Variants in GCC2 observed in about 807,000 individuals in gnomAD.
GCC2 encodes GRIP and coiled-coil domain containing 2, also known as GRIP and coiled-coil domain-containing protein 2.
GCC2 carries 120 observed loss-of-function variants against 210.6 expected under a neutral mutation model. The ratio of observed to expected loss-of-function variants is 0.57; its 90% CI spans 0.49 to 0.66. The LOEUF is 0.66. Ranked by LOEUF, GCC2 falls within the 30% of genes least tolerant of loss-of-function variation. The pLI, the probability that GCC2 is intolerant of heterozygous loss-of-function variation, is 0.00. For missense variants in GCC2, 1,868 were observed against 1,871.9 expected (o/e 1.00, Z 0.04); for synonymous variants, 703 against 652.7 (o/e 1.08, Z -1.17).
chr2:108,457,621 CTGCT>C (rs1680340631), intron 4 of GCC2, among the ~76,000 whole-genome samples: 1 of 151,982 alleles, frequency 6.6e-6, no homozygotes, highest in South Asian at 2.1e-4. Context: ...AAATGTCTTC[CTGCT>C]TATTTGTGTT....
intron 6 of GCC2, among the ~76,000 whole-genome samples, chr2:108,472,549 TCTC>T (rs929324601): frequency 1.1e-4 from 17 of 152,014 alleles, no homozygotes; most frequent in Admixed American, 2.6e-4. Flanking sequence ...CATTTAATCT[TCTC>T]CTTATTACAC....
At chr2:108,505,132 G>A (rs569759975) in intron 22 of GCC2, among the ~76,000 whole-genome samples, 13 of 152,296 alleles carry the variant, frequency 8.5e-5, no homozygotes, top group South Asian at 4.1e-4. Flanking sequence ...CAAGGGCAGG[G>A]GCCTGCCAGA....
In GCC2 at chr2:108,472,070, A is replaced by G; in HGVS notation, c.2741A>G (p.Glu914Gly). 6.4e-7 allele frequency: 1 copy of G among 1,571,586 alleles called. No homozygotes were observed. The change falls in exon 6 of 23, where the codon GAA becomes GGA. Residue 914 changes from glutamate (E) to glycine (G), a missense_variant. Transcript: ENST00000309863. ...CATGAAAACCTAAAGCCACTACTAG[A>G]ACAAAAAGAATTACGAGATAGGAGA... Reference protein sequence around the residue: ...KEHENLKPLLEQKELRDRRAE... With the variant: ...KEHENLKPLLGQKELRDRRAE...
At chr2:108,495,889 A>G (rs1182327919) in intron 20 of GCC2, 3 of 160,214 alleles carry the variant, frequency 1.9e-5, no homozygotes, top group African/African-American at 7.2e-5. Context: ...ATTCGCTGGT[A>G]GCTGATTAGA....
intron 4 of GCC2, among the ~76,000 whole-genome samples, chr2:108,459,377 G>T (rs924362653): frequency 6.6e-6 from 1 of 152,096 alleles, no homozygotes. Flanking sequence ...AAAATTTGTT[G>T]AAAATGATTT....
chr2:108,498,835 A>G (rs1196269395), intron 21 of GCC2, among the ~76,000 whole-genome samples: 1 of 151,668 alleles, frequency 6.6e-6, no homozygotes, highest in African/African-American at 2.4e-5. Context: ...GGAACAGGGT[A>G]GGGGCAGGGG....
rs1474665198 is a variant in GCC2 at position 108,485,713 on chromosome 2, G to A, written c.3691G>A (p.Glu1231Lys). Residue 1231 changes from glutamate (E) to lysine (K), a missense_variant, in exon 14 of 23, where the codon GAA becomes AAA. By Grantham distance (56) the Glu-to-Lys change is moderately conservative (BLOSUM62 1). Coordinates refer to ENST00000309863, the MANE Select transcript of GCC2 (RefSeq NM_181453.4). ...GCAATTGCTTGTGAAAACCAAAAAG[G>A]AACTGGCAGATTCAAAGCAAGCAGT... ...IKQLLVKTKK[E>K]LADSKQAETD... is the part of the protein sequence containing the mutation. The A allele has an allele frequency of 6.3e-7, 1 of 1,592,562 alleles. No homozygotes were observed. Among genetic ancestry groups the A allele is most frequent in the South Asian group, 1.1e-5 (1 of 87,336 alleles).
rs376989193 is a variant in GCC2, at chr2:108,492,716, T to C, written c.4373T>C (p.Val1458Ala). The C allele has an allele frequency of 6.3e-5, 101 of 1,613,922 alleles. No individual in the cohort carries two copies. The highest frequency in any genetic ancestry group is 8.2e-5 in the Non-Finnish European group (97 of 1,179,930). Residue 1458 changes from valine to alanine, a missense_variant, in exon 19 of 23, where the codon GTG becomes GCG. Val to Ala is a moderately conservative substitution (Grantham distance 64, BLOSUM62 0). This residue lies in a region of GCC2 where 1,847 missense variants were observed against 1,765.2 expected (regional missense o/e 1.05). Transcript: ENST00000309863. Reference protein sequence around the residue: ...RHLQEEHRKTVETLQQQLSKM... With the variant: ...RHLQEEHRKTAETLQQQLSKM... ...TTGCAGGAAGAACACAGAAAGACAG[T>C]GGAGACATTACAGCAGCAGCTCTCC...
At chr2:108,493,377 T>G (rs1293101366) in intron 19 of GCC2, 1 of 954,850 alleles carries the variant, frequency 1.0e-6, no homozygotes, top group Non-Finnish European at 1.2e-6. Context: ...CATGAGCCAC[T>G]GCGCCTGGCC....
chr2:108,492,781 A>G lies in GCC2; in HGVS notation c.4438A>G (p.Thr1480Ala). ...GCTCTTCCAGCTTAAGAATGAACCG[A>G]CCACAAGAAGTATGTATGTACACAT... ...AQLFQLKNEPTTRSPVSSQQS... is the reference protein window; with the variant it reads ...AQLFQLKNEPATRSPVSSQQS... The change falls in exon 19 of 23, where the codon ACC becomes GCC. Residue 1480 changes from threonine (T) to alanine (A), a missense_variant. By Grantham distance (58) the Thr-to-Ala change is moderately conservative. Transcript: ENST00000309863. 1 of 1,608,124 alleles carries G rather than the reference A, an allele frequency of 6.2e-7. No homozygotes were observed.
rs1187784799 is a variant in GCC2, at chr2:108,487,940, C to T, written c.4052+120C>T. 8.0e-6 allele frequency: 8 copies of T among 1,005,632 alleles called. No homozygotes were observed. In the Admixed American group the frequency reaches 2.0e-4, roughly 25 times the overall value. The allele number at this position is 1,005,632 out of a possible 1,614,324, so 62.3% of individuals were successfully genotyped here. A position where few individuals can be genotyped will look rare whatever the true frequency, so the allele number is the denominator to read the frequency against. On this transcript the variant is annotated intron_variant, in intron 17 of 22. Transcript: ENST00000309863. ...TTTTTTTTTGAGACAGACTTTCGCT[C>T]TTGTTGCCCAGGCTGGAGTGCAGTG...
At chr2:108,507,363 C>G (rs951436957) in intron 22 of GCC2, among the ~76,000 whole-genome samples, 197 bp from the exon 23 acceptor site, 4 of 149,900 alleles carry the variant, frequency 2.7e-5, no homozygotes, top group African/African-American at 4.9e-5. Flanking sequence ...CACTGCACTC[C>G]AGCCTGGGTG....
Position 108,452,412 on chromosome 2 carries a change from A to C in GCC2, c.162A>C (p.Glu54Asp), listed in dbSNP as rs2104402166. 6.5e-7 allele frequency: 1 copy of C among 1,529,216 alleles called. No homozygotes were observed. The highest frequency in any genetic ancestry group is 9.1e-7 in the Non-Finnish European group (1 of 1,103,420). The allele number at this position is 1,529,216 out of a possible 1,614,324, so 94.7% of individuals were successfully genotyped here. ...TTAATTGTTTAGAATTGGAGAAAGA[A>C]ATTGAAGAACTCAGATCAAAACCTG... Reference protein sequence around the residue: ...AKSRCTELEKEIEELRSKPVT... With the variant: ...AKSRCTELEKDIEELRSKPVT... The change falls in exon 4 of 23, where the codon GAA (glutamate) becomes GAC (aspartate). Residue 54 changes from glutamate to aspartate, a missense_variant. Coordinates refer to ENST00000309863, the MANE Select transcript of GCC2 (RefSeq NM_181453.4).
At chr2:108,490,523 G>C (rs1053110158) in intron 18 of GCC2, among the ~76,000 whole-genome samples, 1 of 152,148 alleles carries the variant, frequency 6.6e-6, no homozygotes, top group Non-Finnish European at 1.5e-5. Flanking sequence ...AAAGAAATTG[G>C]GTAGTAGGAG....
chr2:108,480,006 A>G (rs13419128), intron 9 of GCC2, among the ~76,000 whole-genome samples: 3 of 121,186 alleles, frequency 2.5e-5, no homozygotes, highest in Admixed American at 8.3e-5. Flanking sequence ...AAAAAAAAAA[A>G]AAACGAAAAA....
intron 4 of GCC2, among the ~76,000 whole-genome samples, chr2:108,466,975 C>T (rs889889852): frequency 6.6e-6 from 1 of 151,892 alleles, no homozygotes; most frequent in African/African-American, 2.4e-5. Flanking sequence ...TTTTCTATTC[C>T]ATTGGTTGTC....
Position 108,449,705 on chromosome 2 carries a change from G to A in GCC2, c.63+16G>A, listed in dbSNP as rs772148444. 8.1e-6 allele frequency: 13 copies of A among 1,606,324 alleles called. No homozygotes were observed. In the South Asian group the frequency reaches 1.1e-4, roughly 14 times the overall value. ...GAAATCTAAGGTGAAGAGAATACTT[G>A]AATAGCGGGCTTCCTGAAGAGTGGA... On this transcript the variant is annotated intron_variant, in intron 2 of 22. Transcript: ENST00000309863.
chr2:108,487,769 A>C lies in GCC2; in HGVS notation c.4001A>C (p.Gln1334Pro). ...CGAGTTCATAATGTTCTAAAACAAC[A>C]GAAAAATAAATCTATGTCTCAGGCT... ...KVRVHNVLKQ[Q>P]KNKSMSQAET... The change falls in exon 17 of 23, where the codon CAG (glutamine) becomes CCG (proline). Residue 1334 changes from glutamine to proline, a missense_variant. Transcript: ENST00000309863. 1 of 1,613,764 alleles carries C rather than the reference A, an allele frequency of 6.2e-7. No individual in the cohort carries two copies. The highest frequency in any genetic ancestry group is 8.5e-7 in the Non-Finnish European group (1 of 1,179,738).
intron 7 of GCC2, among the ~76,000 whole-genome samples, chr2:108,473,632 A>G (rs1401553759): frequency 4.6e-5 from 7 of 152,188 alleles, no homozygotes; most frequent in Non-Finnish European, 8.8e-5. Flanking sequence ...TAATGTGCCA[A>G]TGATCCCTGA....
Sources: gnomAD v4.1 joint callset for allele counts (sites outside exome capture counted in the v4.1 genomes callset) on GRCh38, gnomAD v4.1.1 for gene constraint, gnomAD v4.1.1 regional missense constraint, MANE v1.5 for transcripts, NCBI Gene and HGNC (gene_info 2026-07-23, HGNC 2026-07-21) for gene names.